Variants in UBTD1 observed in about 807,000 individuals in gnomAD.
The protein encoded by UBTD1 is ubiquitin domain containing 1, also known as ubiquitin domain-containing protein 1.
UBTD1 carries 19 observed loss-of-function variants against 21.7 expected under a neutral mutation model. The observed-to-expected ratio is 0.87, with a 90% CI of 0.61 to 1.28. The LOEUF (loss-of-function observed/expected upper bound fraction) is 1.28. Among genes scored for constraint, UBTD1 ranks in the 50% most tolerant of loss-of-function variants. UBTD1 has a pLI of 0.00. For missense variants in UBTD1, 282 were observed against 315.1 expected, an observed-to-expected ratio of 0.89 and a Z score of 0.80; for synonymous variants, 116 against 135.1, an observed-to-expected ratio of 0.86 and a Z score of 0.98.
At chr10:97,551,370 T>TA (rs140401859) in intron 1 of UBTD1, among the ~76,000 whole-genome samples, 39,147 of 143,594 alleles carry the variant, frequency 0.27, 5,290 homozygotes, top group East Asian at 0.49. Flanking sequence ...ACCTCTCTAT[T>TA]AAAAAAAAAA....
At chr10:97,534,192 C>G (rs1174917845) in intron 1 of UBTD1, among the ~76,000 whole-genome samples, 2 of 152,206 alleles carry the variant, frequency 1.3e-5, no homozygotes, top group Non-Finnish European at 2.9e-5. Context: ...CACTTCACCC[C>G]CTTCCCAGGA....
intron 1 of UBTD1, among the ~76,000 whole-genome samples, chr10:97,510,852 C>T (rs1162590212): frequency 6.6e-6 from 1 of 152,200 alleles, no homozygotes; most frequent in Non-Finnish European, 1.5e-5. Context: ...ACTTGCAACA[C>T]ACCCTACATA....
intron 1 of UBTD1, among the ~76,000 whole-genome samples, chr10:97,512,878 G>C (rs1261909021): frequency 6.6e-6 from 1 of 152,258 alleles, no homozygotes; most frequent in Non-Finnish European, 1.5e-5. Flanking sequence ...CAAAGGCCCT[G>C]TCCTTCATGT....
intron 1 of UBTD1, among the ~76,000 whole-genome samples, chr10:97,514,188 G>GGC (rs2040433759): frequency 6.6e-6 from 1 of 152,064 alleles, no homozygotes; most frequent in Non-Finnish European, 1.5e-5. Context: ...TCTGTGAGCA[G>GGC]GCAGGATGGG....
chr10:97,520,956 T>A (rs1299670400), intron 1 of UBTD1, among the ~76,000 whole-genome samples: 1 of 152,076 alleles, frequency 6.6e-6, no homozygotes, highest in Non-Finnish European at 1.5e-5. Flanking sequence ...GTGACCTTCT[T>A]CCCATAGCAG....
chr10:97,508,231 C>G (rs1445559375), intron 1 of UBTD1, among the ~76,000 whole-genome samples: 1 of 152,212 alleles, frequency 6.6e-6, no homozygotes, highest in African/African-American at 2.4e-5. Flanking sequence ...GACTGGAACC[C>G]AGGTGTCTGA....
intron 1 of UBTD1, among the ~76,000 whole-genome samples, chr10:97,557,962 GTTGAAGTCCTT>G (rs1385169867): frequency 1.3e-5 from 2 of 152,212 alleles, no homozygotes; most frequent in African/African-American, 4.8e-5. Flanking sequence ...AGAAAGGTCA[GTTGAAGTCCTT>G]ACTGTACAAG....
At chr10:97,559,473 G>GT (rs2040681525) in intron 1 of UBTD1, among the ~76,000 whole-genome samples, 1 of 152,096 alleles carries the variant, frequency 6.6e-6, no homozygotes, top group South Asian at 2.1e-4. Context: ...TAAAATGAAT[G>GT]TTTCCTTTAG....
chr10:97,524,506 C>T (rs991260654), intron 1 of UBTD1, among the ~76,000 whole-genome samples: 6 of 152,178 alleles, frequency 3.9e-5, no homozygotes, highest in Admixed American at 2.0e-4. Flanking sequence ...CACCATTCCT[C>T]CTGGAGGCAC....
chr10:97,499,375 C>A, intron 1 of UBTD1, 102 bp downstream of exon 1: 5 of 1,363,826 alleles, frequency 3.7e-6, no homozygotes, highest in Non-Finnish European at 4.9e-6. Flanking sequence ...GGTGCTGGCG[C>A]TTGGGTTTCC....
In UBTD1 at chr10:97,528,925, G is replaced by A. The variant is rs561762595; in HGVS notation, c.70+29652G>A. The stretch of plus-strand genomic sequence containing the variant: ...GACCCCCCACCTCCCTCCTGGATGG[G>A]GCGGCTGGCCTGGCGGGGGCTGACC... On this transcript the variant is annotated intron_variant, in intron 1 of 2. Coordinates refer to ENST00000370664, the MANE Select transcript of UBTD1 (RefSeq NM_024954.5). Among the ~76,000 whole-genome samples the A allele has an allele frequency of 4.0e-5, 6 of 150,878 alleles. No homozygotes were observed. In the South Asian group the frequency reaches 1.3e-3, roughly 32 times the overall value.
At chr10:97,522,014 C>A (rs1227556233) in intron 1 of UBTD1, among the ~76,000 whole-genome samples, 2 of 152,206 alleles carry the variant, frequency 1.3e-5, no homozygotes, top group Non-Finnish European at 2.9e-5. Flanking sequence ...TCCCACAGTG[C>A]CTGCCACAAC....
intron 1 of UBTD1, among the ~76,000 whole-genome samples, chr10:97,518,297 C>T (rs569569007): frequency 6.6e-5 from 10 of 152,282 alleles, no homozygotes; most frequent in Non-Finnish European, 1.0e-4. Flanking sequence ...TGTTTGATGC[C>T]GACCTCGCTC....
chr10:97,565,779 A>G (rs1180462846), intron 1 of UBTD1, among the ~76,000 whole-genome samples: 1 of 152,070 alleles, frequency 6.6e-6, no homozygotes, highest in East Asian at 1.9e-4. Flanking sequence ...TGGCATGATC[A>G]TGGCTCACTG....
intron 1 of UBTD1, among the ~76,000 whole-genome samples, chr10:97,516,137 C>G (rs1326675083): frequency 1.3e-5 from 2 of 152,238 alleles, no homozygotes; most frequent in Non-Finnish European, 2.9e-5. Flanking sequence ...CTGGTGTCAG[C>G]AGGAGCCCCT....
intron 1 of UBTD1, among the ~76,000 whole-genome samples, chr10:97,529,999 C>A (rs1197525084): frequency 6.6e-6 from 1 of 152,178 alleles, no homozygotes; most frequent in African/African-American, 2.4e-5. Flanking sequence ...TTAAGACCTT[C>A]CGCAGAGGGG....
At chr10:97,554,061 G>T (rs1273275612) in intron 1 of UBTD1, among the ~76,000 whole-genome samples, 1 of 152,130 alleles carries the variant, frequency 6.6e-6, no homozygotes, top group Non-Finnish European at 1.5e-5. Context: ...CTCCTGAGGT[G>T]ATGACTTTGA....
intron 2 of UBTD1, 26 bp downstream of exon 2, chr10:97,568,167 TC>T: frequency 6.2e-7 from 1 of 1,612,084 alleles, no homozygotes; most frequent in Non-Finnish European, 8.5e-7. Context: ...CAGGGCTTTA[TC>T]CCCGCTGGAG....
At chr10:97,533,915 T>A (rs1244215925) in intron 1 of UBTD1, among the ~76,000 whole-genome samples, 2 of 126,220 alleles carry the variant, frequency 1.6e-5, no homozygotes, top group Non-Finnish European at 3.3e-5. Context: ...AAAGCAAGAC[T>A]CCATCTCAAA....
Sources: gnomAD v4.1 joint callset for allele counts (sites outside exome capture counted in the v4.1 genomes callset) on GRCh38, gnomAD v4.1.1 for gene constraint, MANE v1.5 for transcripts, NCBI Gene and HGNC (gene_info 2026-07-23, HGNC 2026-07-21) for gene names.